TRIM67: variants seen among roughly 807,000 people sequenced by gnomAD.
The protein encoded by TRIM67 is tripartite motif-containing protein 67.
In TRIM67, 39 loss-of-function variants were observed where a neutral mutation model predicts 71.0. The ratio of observed to expected loss-of-function variants is 0.55; its 90% CI spans 0.43 to 0.72. The LOEUF (loss-of-function observed/expected upper bound fraction) is 0.72. Among genes scored for constraint, TRIM67 ranks in the 30% least tolerant of loss-of-function variants. TRIM67 has a pLI of 0.00. For synonymous variants in TRIM67, 481 were observed against 473.9 expected, an observed-to-expected ratio of 1.01 and a Z score of -0.19; for missense variants, 973 against 1,079.2, an observed-to-expected ratio of 0.90 and a Z score of 1.38.
chr1:231,169,493 C>CCT (rs1682567453), intron 1 of TRIM67, among the ~76,000 whole-genome samples: 2 of 147,222 alleles, frequency 1.4e-5, no homozygotes, highest in African/African-American at 2.5e-5. Context: ...GATTCTCCTG[C>CCT]CTCAGCCTCC....
intron 1 of TRIM67, among the ~76,000 whole-genome samples, chr1:231,188,116 C>A (rs1404122299): frequency 1.3e-5 from 2 of 152,140 alleles, no homozygotes; most frequent in East Asian, 3.9e-4. Flanking sequence ...CTCCATCACA[C>A]TGGGACCCGT....
intron 1 of TRIM67, chr1:231,185,374 G>T: frequency 1.2e-6 from 1 of 812,370 alleles, no homozygotes; most frequent in South Asian, 1.8e-5. Context: ...AAGTGGGGAA[G>T]AATCTAAAAC....
At chr1:231,188,126 T>G (rs1344126848) in intron 1 of TRIM67, among the ~76,000 whole-genome samples, 1 of 152,092 alleles carries the variant, frequency 6.6e-6, no homozygotes, top group Non-Finnish European at 1.5e-5. Flanking sequence ...CTGGGACCCG[T>G]GTTACATGGC....
chr1:231,201,551 T>A, intron 5 of TRIM67, 34 bp downstream of exon 5: 1 of 1,604,554 alleles, frequency 6.2e-7, no homozygotes, highest in South Asian at 1.1e-5. Flanking sequence ...CAGTCAGTGC[T>A]TCTTTCAAAA....
At position 231,175,265 on chromosome 1, in the gene TRIM67, G is replaced by A. The variant is rs187062120; in HGVS notation, c.1044+11252G>A. On this transcript the variant is annotated intron_variant, in intron 1 of 9. Transcript: ENST00000366653. Reference sequence around the variant, plus strand: ...GCACACAGTACTGTCTCCCCAGCAGGGTTCTACACCTGTAACCTACTGGGA... The same window carrying A: ...GCACACAGTACTGTCTCCCCAGCAGAGTTCTACACCTGTAACCTACTGGGA... Among the ~76,000 whole-genome samples the A allele has an allele frequency of 2.2e-3, 341 of 151,962 alleles. 2 individuals are homozygous for A. The highest frequency in any genetic ancestry group is 7.6e-3 in the African/African-American group (314 of 41,428).
chr1:231,171,059 C>T (rs545366793), intron 1 of TRIM67, among the ~76,000 whole-genome samples: 2 of 152,266 alleles, frequency 1.3e-5, no homozygotes, highest in Non-Finnish European at 2.9e-5. Flanking sequence ...TTGAAATGCC[C>T]TAATGGGACT....
chr1:231,215,294 C>T (rs1361455605), intron 9 of TRIM67, 81 bp from the exon 10 acceptor site: 39 of 1,527,274 alleles, frequency 2.6e-5, no homozygotes, highest in Admixed American at 1.6e-4. Context: ...GGGATCCTGC[C>T]GGTGTCTGCG....
intron 1 of TRIM67, among the ~76,000 whole-genome samples, chr1:231,167,601 C>T (rs1347609298): frequency 6.8e-6 from 1 of 147,188 alleles, no homozygotes; most frequent in African/African-American, 2.6e-5. Context: ...GGATTACAGG[C>T]GTGAGCCACC....
chr1:231,218,838 G>A lies in TRIM67; in HGVS notation c.*3398G>A, dbSNP rs2102771333. 3.0e-6 allele frequency: 3 copies of A among 985,452 alleles called. No homozygotes were observed. Among genetic ancestry groups the A allele is most frequent in the Non-Finnish European group, 3.6e-6 (3 of 829,956 alleles). The allele number at this position is 985,452 out of a possible 1,614,324, so 61.0% of individuals were successfully genotyped here. Reference sequence around the variant, plus strand: ...GTGGAGCTCACCAAGAGAGCTGGGGGCAGGCCCACCCTCCTCTTTGCGCCC... The same window carrying A: ...GTGGAGCTCACCAAGAGAGCTGGGGACAGGCCCACCCTCCTCTTTGCGCCC... On this transcript the variant is annotated 3_prime_UTR_variant, in exon 10 of 10. Coordinates refer to ENST00000366653, the MANE Select transcript of TRIM67 (RefSeq NM_001004342.5).
chr1:231,190,846 C>T (rs114511502), intron 1 of TRIM67, among the ~76,000 whole-genome samples: 4,407 of 152,184 alleles, frequency 0.029, 93 homozygotes, highest in South Asian at 0.042. Context: ...CTCTCAGGAC[C>T]CTCCTTTGTC....
chr1:231,214,070 G>C, intron 9 of TRIM67, 93 bp downstream of exon 9: 1 of 1,394,918 alleles, frequency 7.2e-7, no homozygotes, highest in Non-Finnish European at 9.6e-7. Flanking sequence ...GGGCCATAAA[G>C]AAGCTGACCA....
chr1:231,184,794 C>T (rs1472763926), intron 1 of TRIM67: 2 of 574,418 alleles, frequency 3.5e-6, no homozygotes, highest in African/African-American at 3.8e-5. Flanking sequence ...AACCCAGGGC[C>T]TTCCATGCAC....
chr1:231,165,596 G>A (rs1408744843), intron 1 of TRIM67, among the ~76,000 whole-genome samples: 1 of 152,200 alleles, frequency 6.6e-6, no homozygotes, highest in African/African-American at 2.4e-5. Flanking sequence ...ACTTTTGGTA[G>A]TGTTTATGCT....
chr1:231,183,590 G>A (rs947922503), intron 1 of TRIM67, among the ~76,000 whole-genome samples: 1 of 152,072 alleles, frequency 6.6e-6, no homozygotes, highest in African/African-American at 2.4e-5. Context: ...ATCCAGACTG[G>A]ACAACAAAAT....
At chr1:231,188,256 C>A (rs72750751) in intron 1 of TRIM67, among the ~76,000 whole-genome samples, 1 of 152,320 alleles carries the variant, frequency 6.6e-6, no homozygotes, top group Non-Finnish European at 1.5e-5. Flanking sequence ...GTGTCCCCTG[C>A]AGTGCAGGGA....
intron 4 of TRIM67, among the ~76,000 whole-genome samples, chr1:231,201,038 C>T (rs1171528207): frequency 2.0e-5 from 3 of 152,144 alleles, no homozygotes; most frequent in African/African-American, 4.8e-5. Flanking sequence ...TCTAGGAAGA[C>T]AGATCTAATG....
intron 7 of TRIM67, among the ~76,000 whole-genome samples, chr1:231,207,999 T>G (rs1683752963): frequency 6.7e-6 from 1 of 150,034 alleles, no homozygotes; most frequent in South Asian, 2.1e-4. Context: ...AATATCGATT[T>G]CCTCCTGTAC....
chr1:231,219,669 A>G lies in TRIM67; in HGVS notation c.*4229A>G. On this transcript the variant is annotated 3_prime_UTR_variant, in exon 10 of 10. Transcript: ENST00000366653. ...CCACATTTTACTGGAAGCAACAGGA[A>G]CTTCTTAATGGGTTTGTGGCCCTCA... 8.6e-7 allele frequency: 1 copy of G among 1,162,158 alleles called. No individual in the cohort carries two copies. 72.0% of individuals were successfully genotyped at this position (1,162,158 alleles called of 1,614,324 possible). A position where few individuals can be genotyped will look rare whatever the true frequency, so the allele number is the denominator to read the frequency against.
At chr1:231,189,565 G>T (rs541446640) in intron 1 of TRIM67, among the ~76,000 whole-genome samples, 1 of 152,260 alleles carries the variant, frequency 6.6e-6, no homozygotes, top group South Asian at 2.1e-4. Flanking sequence ...CAGGGGGGTT[G>T]ATAAACAAAA....
Sources: gnomAD v4.1 joint callset for allele counts (sites outside exome capture counted in the v4.1 genomes callset) on GRCh38, gnomAD v4.1.1 for gene constraint, MANE v1.5 for transcripts, NCBI Gene and HGNC (gene_info 2026-07-23, HGNC 2026-07-21) for gene names.